Variants in KIAA0930 observed in about 807,000 individuals in gnomAD.
KIAA0930 encodes the protein KIAA0930.
Under a neutral mutation model 43.9 loss-of-function variants are expected in KIAA0930, and 24 were observed. That is an observed-to-expected ratio of 0.55 (90% CI 0.40 to 0.77). KIAA0930 has a LOEUF of 0.77. KIAA0930 is among the 30% of genes least tolerant of loss of function. The probability of loss-of-function intolerance (pLI) is 0.00; values close to 1 mark genes in which losing one functional copy is unlikely to be tolerated. For synonymous variants in KIAA0930, 259 were observed against 216.4 expected, an observed-to-expected ratio of 1.20 and a Z score of -1.73; for missense variants, 461 against 574.2, an observed-to-expected ratio of 0.80 and a Z score of 2.02.
chr22:45,235,194 T>A (rs1569086424), intron 1 of KIAA0930: 2 of 152,284 alleles, frequency 1.3e-5, no homozygotes, highest in African/African-American at 2.4e-5. Flanking sequence ...GGCTGGAAGC[T>A]GGAGGCGGAA....
chr22:45,213,520 T>A, intron 1 of KIAA0930: 1 of 1,167,168 alleles, frequency 8.6e-7, no homozygotes, highest in Non-Finnish European at 1.1e-6. Context: ...GTCTGCAGAG[T>A]CGCTTTGAAA....
chr22:45,218,935 CAAG>C (rs2083750458), intron 1 of KIAA0930, among the ~76,000 whole-genome samples: 1 of 152,178 alleles, frequency 6.6e-6, no homozygotes, highest in Admixed American at 6.5e-5. Context: ...GAACTTCAGA[CAAG>C]AGCTTCATGC....
chr22:45,211,981 CT>C lies in KIAA0930; in HGVS notation c.190del (p.Ser64AlafsTer43). On this transcript the variant is annotated frameshift_variant, in exon 2 of 10. Coordinates refer to ENST00000336156, the MANE Select transcript of KIAA0930 (RefSeq NM_001009880.2). LOFTEE classifies it high-confidence loss of function. ...CTTCCTCCCGTCTGCACCGCTTTCG[CT>C]GCCGGAGTACGCCAGCTTCCGGCGC... ...YVRRKLAYSGSESGADGRKAA... is the reference protein window; with the variant it reads ...YVRRKLAYSGXESGADGRKAA... 1 of 1,612,858 alleles carries C rather than the reference CT, an allele frequency of 6.2e-7. No individual in the cohort carries two copies.
Position 45,196,809 on chromosome 22 carries a change from G to A in KIAA0930, c.*367C>T, listed in dbSNP as rs929359892. ...TGGCTGGGTGGTTCCGCCTGCTGCT[G>A]GGGGGACGTGAACATAGACCCGCCG... On this transcript the variant is annotated 3_prime_UTR_variant, in exon 10 of 10. Transcript: ENST00000336156. This position sits in a 1 kb window ranked among gnomAD's most constrained non-coding sequence, Gnocchi z 4.1. The A allele has an allele frequency of 2.5e-5, 6 of 240,304 alleles. No individual in the cohort carries two copies. The highest frequency in any genetic ancestry group is 5.7e-5 in the Admixed American group (1 of 17,418). The allele number at this position is 240,304 out of a possible 1,614,324, so 14.9% of individuals were successfully genotyped here.
At chr22:45,240,504 A>G (rs1225798073) in intron 1 of KIAA0930, 136 bp downstream of exon 1, 11 of 540,080 alleles carry the variant, frequency 2.0e-5, no homozygotes, top group Admixed American at 1.2e-4. Context: ...AAGACAGGGT[A>G]CCCAGGCAGA....
intron 1 of KIAA0930, among the ~76,000 whole-genome samples, chr22:45,233,461 G>A (rs1569085692): frequency 6.6e-6 from 1 of 152,186 alleles, no homozygotes; most frequent in Non-Finnish European, 1.5e-5. Flanking sequence ...CGGTAGGCCT[G>A]GGTGGGAAAG....
rs2083552556 is a variant in KIAA0930 at position 45,197,956 on chromosome 22, AAAG to A, written c.1016-11_1016-9del. On this transcript the variant is annotated splice_polypyrimidine_tract_variant and intron_variant, in intron 8 of 9. Transcript: ENST00000336156. ...TTGCATTGTGCAGATCGGCTGGAGG[AAAG>A]AAGGCCAGGTCAAGGCCCCCACAGC... is the stretch of plus-strand genomic sequence containing the variant. 5.6e-6 allele frequency: 9 copies of A among 1,613,478 alleles called. No homozygotes were observed. Among genetic ancestry groups the A allele is most frequent in the South Asian group, 1.1e-5 (1 of 91,060 alleles).
rs554162605 is a variant in KIAA0930, at chr22:45,196,226, G to A, written c.*950C>T. The A allele has an allele frequency of 1.3e-5, 2 of 152,390 alleles. No individual in the cohort carries two copies. The highest frequency in any genetic ancestry group is 1.3e-4 in the Admixed American group (2 of 15,300). The allele number at this position is 152,390 out of a possible 1,614,324, so 9.4% of individuals were successfully genotyped here. ...GCCTCTGAGCAACTCCTCTGCCTCA[G>A]TGAGCTGGTCTGAGAGATGGGACCA... On this transcript the variant is annotated 3_prime_UTR_variant, in exon 10 of 10. Coordinates refer to ENST00000336156, the MANE Select transcript of KIAA0930 (RefSeq NM_001009880.2). This position sits in a 1 kb window ranked among gnomAD's most constrained non-coding sequence, Gnocchi z 4.1.
chr22:45,217,892 C>T (rs956221496), intron 1 of KIAA0930, among the ~76,000 whole-genome samples: 3 of 152,214 alleles, frequency 2.0e-5, no homozygotes, highest in Non-Finnish European at 2.9e-5. Flanking sequence ...TCACTCTCTT[C>T]GAACTCCAGA....
At chr22:45,234,560 A>G (rs1485452150) in intron 1 of KIAA0930, among the ~76,000 whole-genome samples, 1 of 152,214 alleles carries the variant, frequency 6.6e-6, no homozygotes, top group Non-Finnish European at 1.5e-5. Flanking sequence ...TCTACCACCT[A>G]CGGTCCTACC....
At chr22:45,200,966 G>A (rs766032834) in intron 7 of KIAA0930, 24 of 519,152 alleles carry the variant, frequency 4.6e-5, no homozygotes, top group Admixed American at 2.0e-4. Context: ...GGTGAAGAAG[G>A]GGGGGAAGGG....
At chr22:45,220,936 C>T (rs1421356242) in intron 1 of KIAA0930, among the ~76,000 whole-genome samples, 1 of 151,820 alleles carries the variant, frequency 6.6e-6, no homozygotes, top group Non-Finnish European at 1.5e-5. Flanking sequence ...GCTAAGCGTC[C>T]CCATCCTGGC....
intron 9 of KIAA0930, 91 bp from the exon 10 acceptor site, chr22:45,197,307 C>A: frequency 2.6e-6 from 3 of 1,171,060 alleles, no homozygotes; most frequent in Non-Finnish European, 3.6e-6. Context: ...GAAGGAAGCC[C>A]GCCTCAGCCA....
Position 45,197,848 on chromosome 22 carries a change from G to A in KIAA0930, c.1116C>T (p.Asn372=), listed in dbSNP as rs1277593006. 4.3e-6 allele frequency: 7 copies of A among 1,614,186 alleles called. No homozygotes were observed. Among genetic ancestry groups the A allele is most frequent in the Non-Finnish European group, 5.9e-6 (7 of 1,179,996 alleles). The change falls in exon 9 of 10, where the codon AAC becomes AAT. Residue 372 remains asparagine, a synonymous_variant. Transcript: ENST00000336156. ...SWLKLNRADG[N]FLLYAHLTYV... is the part of the protein sequence containing the mutation. ...AGGTTAAGTGTGCATAGAGAAGGAA[G>A]TTTCCATCTGCTCTGTTCAGCTTCA... is the stretch of plus-strand genomic sequence containing the variant.
At chr22:45,205,378 C>T in intron 4 of KIAA0930, 60 bp from the exon 5 acceptor site, 1 of 1,450,982 alleles carries the variant, frequency 6.9e-7, no homozygotes, top group African/African-American at 1.4e-5. Context: ...GGCCCAGAGC[C>T]AGTCCAAGCC....
rs760623330 is a variant in KIAA0930, at chr22:45,205,786, C to T, written c.336+7G>A. 3.7e-6 allele frequency: 6 copies of T among 1,608,644 alleles called. No individual in the cohort carries two copies. The East Asian group carries it at 1.1e-4, about 30-fold the overall frequency. The stretch of plus-strand genomic sequence containing the variant: ...CAATCCGCAGCCCCACCCATCCCAC[C>T]CCATACCTTCTGCAGGATGAGATTC... On this transcript the variant is annotated splice_region_variant and intron_variant, in intron 3 of 9. Coordinates refer to ENST00000336156, the MANE Select transcript of KIAA0930 (RefSeq NM_001009880.2).
chr22:45,227,930 T>C (rs2083812833), intron 1 of KIAA0930, among the ~76,000 whole-genome samples: 2 of 152,204 alleles, frequency 1.3e-5, no homozygotes, highest in South Asian at 4.2e-4. Flanking sequence ...GGCAGCTCCC[T>C]CCTCCCTGGA....
At chr22:45,215,942 G>A (rs977921153) in intron 1 of KIAA0930, among the ~76,000 whole-genome samples, 7 of 152,188 alleles carry the variant, frequency 4.6e-5, no homozygotes, top group Non-Finnish European at 1.0e-4. Context: ...GCAGGAGAAT[G>A]GCGTGAACCC....
Position 45,193,541 on chromosome 22 carries a change from G to A in KIAA0930, c.*3635C>T, listed in dbSNP as rs957312331. The A allele has an allele frequency of 2.0e-5, 3 of 152,156 alleles. No individual in the cohort carries two copies. The highest frequency in any genetic ancestry group is 6.5e-5 in the Admixed American group (1 of 15,278). The allele number at this position is 152,156 out of a possible 1,614,324, so 9.4% of individuals were successfully genotyped here. On this transcript the variant is annotated 3_prime_UTR_variant, in exon 10 of 10. Transcript: ENST00000336156. ...GTGCAGGTACATTCTTTGGGGGAGG[G>A]CACCTCAGGAACATGCATTTATACC...
Sources: gnomAD v4.1 joint callset for allele counts (sites outside exome capture counted in the v4.1 genomes callset) on GRCh38, gnomAD v4.1.1 for gene constraint, Gnocchi (gnomAD v3.1) non-coding constraint, MANE v1.5 for transcripts, NCBI Gene and HGNC (gene_info 2026-07-23, HGNC 2026-07-21) for gene names.